Variants in ELOVL6 observed in about 807,000 individuals in gnomAD.
ELOVL6 encodes very long chain fatty acid elongase 6.
In ELOVL6, 8 loss-of-function variants were observed where a neutral mutation model predicts 31.7. The observed-to-expected ratio is 0.25, with a 90% CI of 0.15 to 0.45. The LOEUF (loss-of-function observed/expected upper bound fraction) is 0.45, where lower values mean the gene tolerates loss of function less well. ELOVL6 is among the 20% of genes least tolerant of loss of function. ELOVL6 has a pLI of 1.00. For missense variants in ELOVL6, 126 were observed against 326.4 expected, an observed-to-expected ratio of 0.39 and a Z score of 4.73; for synonymous variants, 101 against 117.7, an observed-to-expected ratio of 0.86 and a Z score of 0.92.
intron 2 of ELOVL6, among the ~76,000 whole-genome samples, chr4:110,078,798 T>C (rs1256791691): frequency 2.2e-4 from 34 of 152,152 alleles, no homozygotes; most frequent in Admixed American, 3.3e-4. Context: ...GACTGGCAAA[T>C]TGGATAAGGA....
chr4:110,082,361 T>C (rs1755887716), intron 2 of ELOVL6, among the ~76,000 whole-genome samples: 1 of 151,798 alleles, frequency 6.6e-6, no homozygotes, highest in African/African-American at 2.4e-5. Flanking sequence ...CCAACAATGA[T>C]AGACTGGATT....
chr4:110,075,643 G>A (rs1467467758), intron 2 of ELOVL6, among the ~76,000 whole-genome samples: 1 of 152,154 alleles, frequency 6.6e-6, no homozygotes. Context: ...AATGGGTACA[G>A]TTTCAGTTTT....
chr4:110,110,454 C>T (rs2126248729), intron 1 of ELOVL6, among the ~76,000 whole-genome samples: 1 of 136,236 alleles, frequency 7.3e-6, no homozygotes, highest in East Asian at 2.3e-4. Context: ...GTCATCTAGG[C>T]TGGAGCGTAG....
At chr4:110,152,543 G>A (rs998567213) in intron 1 of ELOVL6, among the ~76,000 whole-genome samples, 5 of 152,362 alleles carry the variant, frequency 3.3e-5, no homozygotes, top group African/African-American at 1.2e-4. Flanking sequence ...CTGCCAGGCA[G>A]TGATGCCTGA....
At chr4:110,103,669 T>G (rs1578482889) in intron 2 of ELOVL6, among the ~76,000 whole-genome samples, 1 of 152,106 alleles carries the variant, frequency 6.6e-6, no homozygotes, top group Non-Finnish European at 1.5e-5. Flanking sequence ...AAAAATGCAA[T>G]CAAGCAAAAT....
chr4:110,186,742 T>G (rs1317526797), intron 1 of ELOVL6, among the ~76,000 whole-genome samples: 1 of 144,310 alleles, frequency 6.9e-6, no homozygotes, highest in Non-Finnish European at 1.5e-5. Flanking sequence ...AGGTGGAGGT[T>G]GCAGTGAGTT....
At chr4:110,104,356 A>AT (rs1240541559) in intron 2 of ELOVL6, among the ~76,000 whole-genome samples, 1 of 152,202 alleles carries the variant, frequency 6.6e-6, no homozygotes, top group Non-Finnish European at 1.5e-5. Context: ...GATCCAAATC[A>AT]TGAGTACTTC....
Position 110,050,717 on chromosome 4 carries a change from T to C in ELOVL6, c.*621A>G. ...CTGAGGCTATGCAGTGAAGATGAAG[T>C]TAGTTGAAATATAGTTGTTTACATC... On this transcript the variant is annotated 3_prime_UTR_variant, in exon 4 of 4. Transcript: ENST00000302274. The C allele has an allele frequency of 6.5e-6, 1 of 153,136 alleles. No individual in the cohort carries two copies. The highest frequency in any genetic ancestry group is 1.9e-4 in the East Asian group (1 of 5,206). The allele number at this position is 153,136 out of a possible 1,614,324, so 9.5% of individuals were successfully genotyped here. A position where few individuals can be genotyped will look rare whatever the true frequency, so the allele number is the denominator to read the frequency against.
At chr4:110,056,122 TGGGGG>T (rs145744279) in intron 3 of ELOVL6, among the ~76,000 whole-genome samples, 2 of 123,194 alleles carry the variant, frequency 1.6e-5, no homozygotes, top group Non-Finnish European at 3.3e-5. Context: ...TTGTGGGAGC[TGGGGG>T]GGGGGATACA....
chr4:110,189,907 C>T (rs1235015578), intron 1 of ELOVL6, among the ~76,000 whole-genome samples: 1 of 150,936 alleles, frequency 6.6e-6, no homozygotes, highest in Non-Finnish European at 1.5e-5. Context: ...GCAGAGCTTG[C>T]ACTGAGCCGA....
intron 1 of ELOVL6, among the ~76,000 whole-genome samples, chr4:110,122,098 GTA>G (rs1027154220): frequency 7.2e-5 from 11 of 152,230 alleles, no homozygotes; most frequent in African/African-American, 2.6e-4. Flanking sequence ...GACTTATTCT[GTA>G]TTTCCAGCTG....
intron 3 of ELOVL6, among the ~76,000 whole-genome samples, chr4:110,057,556 GA>G (rs1222307109): frequency 6.6e-6 from 1 of 151,848 alleles, no homozygotes; most frequent in South Asian, 2.1e-4. Flanking sequence ...TTATTTTAAA[GA>G]AAAAAAGCCA....
chr4:110,176,771 C>T (rs192867743), intron 1 of ELOVL6, among the ~76,000 whole-genome samples: 21 of 152,264 alleles, frequency 1.4e-4, no homozygotes, highest in Admixed American at 1.4e-3. Context: ...GAGTTTCATT[C>T]TTGTTGCCCA....
At chr4:110,151,000 G>A (rs1433526655) in intron 1 of ELOVL6, among the ~76,000 whole-genome samples, 1 of 151,196 alleles carries the variant, frequency 6.6e-6, no homozygotes, top group Non-Finnish European at 1.5e-5. Context: ...CCAAGATCGT[G>A]CCACTGCACT....
chr4:110,182,636 C>T (rs1046096581), intron 1 of ELOVL6, among the ~76,000 whole-genome samples: 21 of 152,026 alleles, frequency 1.4e-4, no homozygotes, highest in Admixed American at 9.2e-4. Flanking sequence ...AGGCCGGGCG[C>T]GGTGGCTCAT....
chr4:110,071,311 C>T (rs143653929), intron 2 of ELOVL6, among the ~76,000 whole-genome samples: 18 of 152,292 alleles, frequency 1.2e-4, no homozygotes, highest in African/African-American at 2.4e-4. Flanking sequence ...ATTATTAGCA[C>T]AAAGCATACC....
intron 1 of ELOVL6, among the ~76,000 whole-genome samples, chr4:110,171,258 A>C (rs551195691): frequency 7.9e-5 from 12 of 152,044 alleles, no homozygotes; most frequent in African/African-American, 2.9e-4. Flanking sequence ...AACAATACAA[A>C]ATTAGCTGGG....
intron 2 of ELOVL6, among the ~76,000 whole-genome samples, chr4:110,095,761 CTG>C (rs1756564082): frequency 6.6e-6 from 1 of 152,002 alleles, no homozygotes; most frequent in South Asian, 2.1e-4. Flanking sequence ...GGTTGCAAAA[CTG>C]AAGATGTGAA....
rs919062763 is a variant in ELOVL6 at position 110,097,999 on chromosome 4, G to C, written c.221+7498C>G. ...AAAATGTGACATTTTACATTTTCGAGTAGGCTAAAGATAAAACAAAAACAG... is the reference window on the plus strand; with the variant it reads ...AAAATGTGACATTTTACATTTTCGACTAGGCTAAAGATAAAACAAAAACAG... On this transcript the variant is annotated intron_variant, in intron 2 of 3. Transcript: ENST00000302274. 3.2e-4 allele frequency among the ~76,000 whole-genome samples: 48 copies of C among 152,098 alleles called. 1 individual carries two copies. Among genetic ancestry groups the C allele is most frequent in the Non-Finnish European group, 4.4e-5 (3 of 67,998 alleles).
Sources: gnomAD v4.1 joint callset for allele counts (sites outside exome capture counted in the v4.1 genomes callset) on GRCh38, gnomAD v4.1.1 for gene constraint, MANE v1.5 for transcripts, NCBI Gene and HGNC (gene_info 2026-07-23, HGNC 2026-07-21) for gene names.